Variants in HPCAL1 observed in about 807,000 individuals in gnomAD.
The protein encoded by HPCAL1 is hippocalcin like 1, also known as hippocalcin-like protein 1.
Under a neutral mutation model 17.1 loss-of-function variants are expected in HPCAL1, and 8 were observed. That is an observed-to-expected ratio of 0.47 (90% CI 0.27 to 0.84). The LOEUF (loss-of-function observed/expected upper bound fraction) is 0.84. Ranked by LOEUF, HPCAL1 falls within the 40% of genes least tolerant of loss-of-function variation. The pLI is 0.13. For synonymous variants in HPCAL1, 112 were observed against 111.4 expected (o/e 1.01, Z -0.03); for missense variants, 165 against 271.1 (o/e 0.61, Z 2.75).
At chr2:10,357,329 G>C (rs1485743033) in intron 1 of HPCAL1, among the ~76,000 whole-genome samples, 1 of 152,206 alleles carries the variant, frequency 6.6e-6, no homozygotes, top group Non-Finnish European at 1.5e-5. Context: ...CTCAGGTTTT[G>C]CTCTTTCTCC....
chr2:10,425,536 G>C (rs1671350178), intron 4 of HPCAL1: 1 of 152,302 alleles, frequency 6.6e-6, no homozygotes, highest in African/African-American at 2.4e-5. Context: ...ACTGTGCAGG[G>C]GCATCCTCCG....
chr2:10,305,854 A>C (rs943789304), intron 1 of HPCAL1, among the ~76,000 whole-genome samples: 1 of 152,200 alleles, frequency 6.6e-6, no homozygotes, highest in Non-Finnish European at 1.5e-5. Context: ...CGCCCCAGCC[A>C]GGCGCCCCAT....
chr2:10,365,084 G>A lies in HPCAL1; in HGVS notation c.-110-31751G>A, dbSNP rs572505140. On this transcript the variant is annotated intron_variant, in intron 1 of 4. Coordinates refer to ENST00000307845, the MANE Select transcript of HPCAL1 (RefSeq NM_002149.4). The surrounding 1 kb of genome is among the most constrained non-coding windows in gnomAD (Gnocchi z 4.8). ...AATCTCCCAGAGTTCCAGGTGCTTG[G>A]TGGAAGGGATTCATGTACCCCTATC... Among the ~76,000 whole-genome samples, 3 of 152,280 alleles carry A rather than the reference G, an allele frequency of 2.0e-5. No homozygotes were observed. Among genetic ancestry groups the A allele is most frequent in the Non-Finnish European group, 2.9e-5 (2 of 68,024 alleles).
chr2:10,352,035 T>C (rs1665876528), intron 1 of HPCAL1, among the ~76,000 whole-genome samples: 1 of 151,680 alleles, frequency 6.6e-6, no homozygotes, highest in South Asian at 2.1e-4. Flanking sequence ...CCCAAGTAGC[T>C]GGGATTACAG....
intron 2 of HPCAL1, among the ~76,000 whole-genome samples, chr2:10,410,059 G>A (rs1051841096): frequency 7.2e-5 from 11 of 152,176 alleles, no homozygotes; most frequent in African/African-American, 2.7e-4. Context: ...GAAGTGCTGG[G>A]ATGACAGGTG....
At chr2:10,423,897 C>T (rs2148045821) in intron 4 of HPCAL1, 1 of 153,290 alleles carries the variant, frequency 6.5e-6, no homozygotes, top group Non-Finnish European at 1.5e-5. Context: ...TCGAGACCAT[C>T]CTGGCTAACA....
Position 10,419,499 on chromosome 2 carries a change from A to G in HPCAL1, c.-24-235A>G, listed in dbSNP as rs747453694. Among the ~76,000 whole-genome samples, 16 of 151,482 alleles carry G rather than the reference A, an allele frequency of 1.1e-4. No homozygotes were observed. Among genetic ancestry groups the G allele is most frequent in the Non-Finnish European group, 7.4e-5 (5 of 67,972 alleles). ...TGCATTTTCCCCCCCGCATTTCCAC[A>G]TTCTCCAAGTGAGAACGTGTCCCGC... On this transcript the variant is annotated intron_variant, in intron 2 of 4. Transcript: ENST00000307845. This position sits in a 1 kb window ranked among gnomAD's most constrained non-coding sequence, Gnocchi z 5.0.
Position 10,380,507 on chromosome 2 carries a change from C to A in HPCAL1, c.-110-16328C>A, listed in dbSNP as rs972848919. Among the ~76,000 whole-genome samples, 7 of 152,336 alleles carry A rather than the reference C, an allele frequency of 4.6e-5. 1 individual carries two copies. The highest frequency in any genetic ancestry group is 2.1e-4 in the South Asian group (1 of 4,828). On this transcript the variant is annotated intron_variant, in intron 1 of 4. Transcript: ENST00000307845. ...CTGTGATCCATTCAGGCCTAGAAAGCTGGGGGTGCTGACTGCCATCACCCA... is the reference window on the plus strand; with the variant it reads ...CTGTGATCCATTCAGGCCTAGAAAGATGGGGGTGCTGACTGCCATCACCCA...
intron 1 of HPCAL1, among the ~76,000 whole-genome samples, chr2:10,334,107 A>T (rs1184877969): frequency 6.6e-6 from 1 of 152,150 alleles, no homozygotes; most frequent in Admixed American, 6.5e-5. Context: ...GGAAGTAGGG[A>T]TCATATTTGT....
chr2:10,340,914 A>G (rs902669387), intron 1 of HPCAL1, among the ~76,000 whole-genome samples: 7 of 152,152 alleles, frequency 4.6e-5, no homozygotes, highest in African/African-American at 1.7e-4. Flanking sequence ...TTAACTCTCA[A>G]ACTCCTCTTC....
intron 1 of HPCAL1, among the ~76,000 whole-genome samples, chr2:10,391,202 G>T (rs1161714123): frequency 6.6e-6 from 1 of 151,654 alleles, no homozygotes; most frequent in Non-Finnish European, 1.5e-5. Flanking sequence ...CCTTCCTGGG[G>T]GCCCAGTCCT....
intron 1 of HPCAL1, among the ~76,000 whole-genome samples, chr2:10,317,566 C>T (rs900830525): frequency 2.0e-5 from 3 of 152,084 alleles, no homozygotes; most frequent in African/African-American, 7.2e-5. Context: ...TACCGGGATG[C>T]ACCACCATGC....
At chr2:10,392,249 C>T (rs1005379607) in intron 1 of HPCAL1, among the ~76,000 whole-genome samples, 17 of 151,540 alleles carry the variant, frequency 1.1e-4, no homozygotes, top group Non-Finnish European at 2.1e-4. Flanking sequence ...CTATGTTGCC[C>T]AGGCTGGTCT....
At chr2:10,321,099 G>A (rs1289743349) in intron 1 of HPCAL1, among the ~76,000 whole-genome samples, 1 of 152,164 alleles carries the variant, frequency 6.6e-6, no homozygotes, top group African/African-American at 2.4e-5. Flanking sequence ...GCATGGTGCT[G>A]GCATCTGCTC....
Position 10,308,643 on chromosome 2 carries a change from G to A in HPCAL1, c.-111+5466G>A, listed in dbSNP as rs530979020. On this transcript the variant is annotated intron_variant, in intron 1 of 4. Coordinates refer to ENST00000307845, the MANE Select transcript of HPCAL1 (RefSeq NM_002149.4). ...TGCTAGATGGCGAGCTCTCTTACCTGCCTCTCCTGCCTGCACCTGGCTCAG... is the reference window on the plus strand; with the variant it reads ...TGCTAGATGGCGAGCTCTCTTACCTACCTCTCCTGCCTGCACCTGGCTCAG... 7.9e-5 allele frequency among the ~76,000 whole-genome samples: 12 copies of A among 152,264 alleles called. No individual in the cohort carries two copies. The East Asian group carries it at 2.3e-3, about 29-fold the overall frequency.
rs1459648725 is a variant in HPCAL1, at chr2:10,367,136, T to C, written c.-110-29699T>C. Among the ~76,000 whole-genome samples the C allele has an allele frequency of 6.6e-6, 1 of 151,988 alleles. No individual in the cohort carries two copies. Among genetic ancestry groups the C allele is most frequent in the Non-Finnish European group, 1.5e-5 (1 of 68,008 alleles). Reference sequence around the variant, plus strand: ...AGGACCTGGGTGTTCTGTCTGGAGATTTCCCATTGCTTTTCCAGTTTATTG... The same window carrying C: ...AGGACCTGGGTGTTCTGTCTGGAGACTTCCCATTGCTTTTCCAGTTTATTG... On this transcript the variant is annotated intron_variant, in intron 1 of 4. Transcript: ENST00000307845. The surrounding 1 kb of genome is among the most constrained non-coding windows in gnomAD (Gnocchi z 4.4).
At chr2:10,360,247 G>T (rs1666438056) in intron 1 of HPCAL1, among the ~76,000 whole-genome samples, 1 of 152,236 alleles carries the variant, frequency 6.6e-6, no homozygotes, top group African/African-American at 2.4e-5. Context: ...AGAAAGAGAA[G>T]TTCCCTAGAC....
Position 10,310,086 on chromosome 2 carries a change from G to C in HPCAL1, c.-111+6909G>C, listed in dbSNP as rs932303820. On this transcript the variant is annotated intron_variant, in intron 1 of 4. Coordinates refer to ENST00000307845, the MANE Select transcript of HPCAL1 (RefSeq NM_002149.4). This position sits in a 1 kb window ranked among gnomAD's most constrained non-coding sequence, Gnocchi z 4.5. The stretch of plus-strand genomic sequence containing the variant: ...ATGGTCTCTGAATCTGTTTGCTCAG[G>C]TGCAGAAAGGGGTTTTAGGCTGAGC... Among the ~76,000 whole-genome samples, 3 of 152,116 alleles carry C rather than the reference G, an allele frequency of 2.0e-5. No homozygotes were observed. The highest frequency in any genetic ancestry group is 7.2e-5 in the African/African-American group (3 of 41,414).
At chr2:10,329,141 T>C (rs1408139262) in intron 1 of HPCAL1, among the ~76,000 whole-genome samples, 1 of 152,182 alleles carries the variant, frequency 6.6e-6, no homozygotes, top group African/African-American at 2.4e-5. Context: ...TAGGGGTTCT[T>C]ATGCACCTAG....
Sources: allele counts gnomAD v4.1 joint callset (sites outside exome capture counted in the v4.1 genomes callset), GRCh38; gene constraint gnomAD v4.1.1; non-coding constraint Gnocchi (gnomAD v3.1); transcripts MANE v1.5; gene names NCBI Gene and HGNC (gene_info 2026-07-23, HGNC 2026-07-21).